Variants in FHIT observed in about 807,000 individuals in gnomAD.
FHIT encodes bis(5'-adenosyl)-triphosphatase.
FHIT carries 19 observed loss-of-function variants against 17.9 expected under a neutral mutation model. The ratio of observed to expected loss-of-function variants is 1.06; its 90% CI spans 0.74 to 1.56. The LOEUF (loss-of-function observed/expected upper bound fraction) is 1.56, where lower values mean the gene tolerates loss of function less well. Among genes scored for constraint, FHIT ranks in the 40% most tolerant of loss-of-function variants. The pLI is 0.00. For synonymous variants in FHIT, 81 were observed against 69.7 expected, an observed-to-expected ratio of 1.16 and a Z score of -0.81; for missense variants, 248 against 189.2, an observed-to-expected ratio of 1.31 and a Z score of -1.82.
chr3:59,985,510 T>G (rs1168864162), intron 7 of FHIT, among the ~76,000 whole-genome samples: 2 of 152,174 alleles, frequency 1.3e-5, no homozygotes, highest in Admixed American at 1.3e-4. Flanking sequence ...ACATTGAATC[T>G]TGAACATCTA....
chr3:60,010,268 A>T (rs1195520010), intron 7 of FHIT, among the ~76,000 whole-genome samples: 1 of 152,220 alleles, frequency 6.6e-6, no homozygotes, highest in Non-Finnish European at 1.5e-5. Flanking sequence ...AGTGGGACAG[A>T]GGAAAGCTGA....
chr3:60,195,553 A>ATATATATATATTTT (rs148013554), intron 5 of FHIT, among the ~76,000 whole-genome samples: 4 of 136,508 alleles, frequency 2.9e-5, no homozygotes, highest in African/African-American at 1.1e-4. Flanking sequence ...TGTGATATAT[A>ATATATATATATTTT]TATATATTTA....
chr3:60,664,777 TC>T (rs1451351094), intron 4 of FHIT, among the ~76,000 whole-genome samples: 2 of 151,626 alleles, frequency 1.3e-5, no homozygotes, highest in African/African-American at 4.8e-5. Context: ...GTAAAGTTGT[TC>T]ATAGTATTTT....
At chr3:60,693,241 T>C (rs562602258) in intron 4 of FHIT, among the ~76,000 whole-genome samples, 30 of 152,326 alleles carry the variant, frequency 2.0e-4, no homozygotes, top group Admixed American at 5.9e-4. Flanking sequence ...CACTCCCTCA[T>C]AAGTGAATGC....
intron 7 of FHIT, among the ~76,000 whole-genome samples, chr3:59,957,105 C>T (rs1381940565): frequency 6.6e-6 from 1 of 152,166 alleles, no homozygotes; most frequent in Non-Finnish European, 1.5e-5. Flanking sequence ...AGTTCTGTGA[C>T]CCTGTGATTA....
chr3:59,900,483 G>A (rs1704277043), intron 8 of FHIT, among the ~76,000 whole-genome samples: 3 of 152,070 alleles, frequency 2.0e-5, no homozygotes, highest in Non-Finnish European at 4.4e-5. Context: ...TGCCTGCTTT[G>A]ACTCCCCTAG....
At chr3:60,238,261 A>G (rs1384304308) in intron 5 of FHIT, among the ~76,000 whole-genome samples, 1 of 152,030 alleles carries the variant, frequency 6.6e-6, no homozygotes, top group Non-Finnish European at 1.5e-5. Context: ...AAGTCATGAA[A>G]TGTCAGATAA....
intron 2 of FHIT, among the ~76,000 whole-genome samples, chr3:61,111,144 T>C (rs1488090418): frequency 6.6e-6 from 1 of 152,220 alleles, no homozygotes; most frequent in East Asian, 1.9e-4. Flanking sequence ...AACTGATAGC[T>C]ACCCCTAAAG....
At chr3:60,789,411 A>G (rs1700702890) in intron 4 of FHIT, among the ~76,000 whole-genome samples, 1 of 152,112 alleles carries the variant, frequency 6.6e-6, no homozygotes, top group Non-Finnish European at 1.5e-5. Flanking sequence ...CCAGCTACTC[A>G]GGAGGCTGAG....
chr3:59,877,793 T>C (rs1039655243), intron 8 of FHIT, among the ~76,000 whole-genome samples: 1 of 152,216 alleles, frequency 6.6e-6, no homozygotes, highest in Non-Finnish European at 1.5e-5. Flanking sequence ...ATACTAGCCA[T>C]CAAAATGACA....
intron 4 of FHIT, among the ~76,000 whole-genome samples, chr3:60,680,742 C>A (rs1259707622): frequency 2.6e-5 from 4 of 152,098 alleles, no homozygotes; most frequent in Non-Finnish European, 2.9e-5. Context: ...ACACACGAAA[C>A]ACCCATTTCA....
intron 5 of FHIT, among the ~76,000 whole-genome samples, chr3:60,519,831 G>T (rs1005818046): frequency 7.2e-5 from 11 of 152,032 alleles, no homozygotes; most frequent in Non-Finnish European, 1.2e-4. Context: ...CAGGTTTATG[G>T]TATGCATCAC....
chr3:60,400,647 C>T (rs1473081167), intron 5 of FHIT, among the ~76,000 whole-genome samples: 1 of 152,042 alleles, frequency 6.6e-6, no homozygotes, highest in Admixed American at 6.6e-5. Context: ...CAGAAGAGCA[C>T]AACAGAAACT....
At chr3:59,816,053 C>G (rs1245229489) in intron 8 of FHIT, among the ~76,000 whole-genome samples, 2 of 152,132 alleles carry the variant, frequency 1.3e-5, no homozygotes, top group Non-Finnish European at 2.9e-5. Flanking sequence ...CATGTCTTAC[C>G]TGACAAAAAC....
chr3:59,963,985 A>G (rs915360592), intron 7 of FHIT, among the ~76,000 whole-genome samples: 6 of 152,222 alleles, frequency 3.9e-5, no homozygotes, highest in Non-Finnish European at 5.9e-5. Context: ...CTGTTTTTAT[A>G]CAACAGAAGC....
Position 59,900,842 on chromosome 3 carries a change from G to A in FHIT, c.348+21504C>T, listed in dbSNP as rs1350969712. 2.0e-5 allele frequency among the ~76,000 whole-genome samples: 3 copies of A among 152,008 alleles called. No homozygotes were observed. The East Asian group carries it at 5.8e-4, about 29-fold the overall frequency. ...TTGGCCAAGCTGGTCTCGAACTCCTGACCTCAAAGGACCCACCTGCCTCAG... is the reference window on the plus strand; with the variant it reads ...TTGGCCAAGCTGGTCTCGAACTCCTAACCTCAAAGGACCCACCTGCCTCAG... On this transcript the variant is annotated intron_variant, in intron 8 of 9. Coordinates refer to ENST00000492590, the MANE Select transcript of FHIT (RefSeq NM_002012.4).
At chr3:60,453,132 T>G (rs1400978624) in intron 5 of FHIT, among the ~76,000 whole-genome samples, 1 of 152,044 alleles carries the variant, frequency 6.6e-6, no homozygotes, top group Non-Finnish European at 1.5e-5. Context: ...AGTAACAGAG[T>G]TGGGAATATA....
At chr3:60,479,211 A>G (rs1447384798) in intron 5 of FHIT, among the ~76,000 whole-genome samples, 1 of 152,224 alleles carries the variant, frequency 6.6e-6, no homozygotes, top group Admixed American at 6.5e-5. Context: ...CTGACATCAA[A>G]GTTACAGTGT....
chr3:60,188,405 G>C (rs1204320143), intron 5 of FHIT, among the ~76,000 whole-genome samples: 1 of 151,832 alleles, frequency 6.6e-6, no homozygotes, highest in African/African-American at 2.4e-5. Flanking sequence ...TTATTTTTTA[G>C]TTGAAAAAGT....
Sources: allele counts gnomAD v4.1 joint callset (sites outside exome capture counted in the v4.1 genomes callset), GRCh38; gene constraint gnomAD v4.1.1; transcripts MANE v1.5; gene names NCBI Gene and HGNC (gene_info 2026-07-23, HGNC 2026-07-21).